THSD7A: variants seen among roughly 807,000 people sequenced by gnomAD.
THSD7A encodes the protein thrombospondin type-1 domain-containing protein 7A.
A neutral mutation model predicts 231.3 loss-of-function variants in THSD7A; 96 were observed. The ratio of observed to expected loss-of-function variants is 0.41; its 90% CI spans 0.35 to 0.49. The LOEUF (loss-of-function observed/expected upper bound fraction) is 0.49, where lower values mean the gene tolerates loss of function less well. Ranked by LOEUF, THSD7A falls within the 20% of genes least tolerant of loss-of-function variation. THSD7A has a pLI of 0.05. For synonymous variants in THSD7A, 940 were observed against 743.3 expected, an observed-to-expected ratio of 1.26 and a Z score of -4.30; for missense variants, 2,290 against 2,070.2, an observed-to-expected ratio of 1.11 and a Z score of -2.06.
rs1786097170 is a variant in THSD7A at position 11,474,968 on chromosome 7, T to C, written c.2018-400A>G. On this transcript the variant is annotated intron_variant, in intron 7 of 27. Transcript: ENST00000423059. The surrounding 1 kb of genome is among the most constrained non-coding windows in gnomAD (Gnocchi z 4.1). ...GAGAAAAATTTTGAAGGAGTAGGAT[T>C]TCAATAAGCAGAATTCTGGGAAGGG... Among the ~76,000 whole-genome samples the C allele has an allele frequency of 6.6e-6, 1 of 152,056 alleles. No homozygotes were observed. Among genetic ancestry groups the C allele is most frequent in the Non-Finnish European group, 1.5e-5 (1 of 67,996 alleles).
intron 6 of THSD7A, among the ~76,000 whole-genome samples, chr7:11,502,323 A>G (rs955542038): frequency 1.4e-4 from 22 of 152,168 alleles, no homozygotes; most frequent in African/African-American, 5.3e-4. Context: ...AACATGGCAG[A>G]GACACAACAA....
At chr7:11,762,799 T>G (rs540757087) in intron 1 of THSD7A, among the ~76,000 whole-genome samples, 1 of 151,362 alleles carries the variant, frequency 6.6e-6, no homozygotes, top group South Asian at 2.1e-4. Context: ...ATGAAAAAAA[T>G]TATAGATGAC....
chr7:11,620,558 G>T (rs2128353058), intron 2 of THSD7A, among the ~76,000 whole-genome samples: 1 of 152,268 alleles, frequency 6.6e-6, no homozygotes, highest in South Asian at 2.1e-4. Flanking sequence ...TCTGGATATT[G>T]AATGACAACA....
chr7:11,580,647 C>T (rs1791116161), intron 4 of THSD7A, among the ~76,000 whole-genome samples: 2 of 152,130 alleles, frequency 1.3e-5, no homozygotes, highest in South Asian at 4.1e-4. Context: ...AAACCAAATA[C>T]TGCATGTTCT....
At chr7:11,611,662 A>G (rs973557764) in intron 2 of THSD7A, among the ~76,000 whole-genome samples, 131 of 151,976 alleles carry the variant, frequency 8.6e-4, no homozygotes, top group Non-Finnish European at 2.1e-4. Context: ...AAATTTAATA[A>G]TATTATAATT....
intron 1 of THSD7A, among the ~76,000 whole-genome samples, chr7:11,705,041 A>G (rs1780720030): frequency 6.6e-6 from 1 of 151,196 alleles, no homozygotes; most frequent in Middle Eastern, 3.4e-3. Context: ...ATATACTCCA[A>G]ATACTATCAC....
intron 2 of THSD7A, among the ~76,000 whole-genome samples, chr7:11,633,506 G>A (rs552194079): frequency 6.6e-6 from 1 of 152,252 alleles, no homozygotes; most frequent in African/African-American, 2.4e-5. Context: ...CTAAGGAAGT[G>A]TCATTGGCTT....
At chr7:11,469,719 G>A (rs184407167) in intron 9 of THSD7A, among the ~76,000 whole-genome samples, 160 bp downstream of exon 9, 28 of 152,266 alleles carry the variant, frequency 1.8e-4, no homozygotes, top group Admixed American at 1.8e-3. Flanking sequence ...CTAAAGCTAT[G>A]TTATTTCCTA....
chr7:11,445,880 A>G (rs1366386138), intron 13 of THSD7A, among the ~76,000 whole-genome samples, 181 bp downstream of exon 13: 1 of 152,054 alleles, frequency 6.6e-6, no homozygotes, highest in Admixed American at 6.6e-5. Flanking sequence ...ACTTCTGGAC[A>G]ATGAGGCAAT....
intron 23 of THSD7A, among the ~76,000 whole-genome samples, chr7:11,389,333 C>G (rs1354943119): frequency 1.3e-5 from 2 of 149,734 alleles, no homozygotes; most frequent in African/African-American, 2.5e-5. Context: ...ACATTGATCC[C>G]TTTACCATAT....
intron 4 of THSD7A, among the ~76,000 whole-genome samples, chr7:11,571,999 G>T (rs1456408423): frequency 1.3e-5 from 2 of 151,620 alleles, no homozygotes; most frequent in Admixed American, 6.6e-5. Flanking sequence ...TATGTTTTCT[G>T]TCAGATCATT....
intron 1 of THSD7A, among the ~76,000 whole-genome samples, chr7:11,669,041 C>T (rs994579689): frequency 7.9e-5 from 12 of 152,074 alleles, no homozygotes; most frequent in African/African-American, 2.7e-4. Flanking sequence ...TTTCTCAGTT[C>T]AAACTATTTA....
At chr7:11,391,431 T>C (rs1468342481) in intron 23 of THSD7A, among the ~76,000 whole-genome samples, 2 of 152,204 alleles carry the variant, frequency 1.3e-5, no homozygotes, top group African/African-American at 4.8e-5. Context: ...GCCTCAGTAA[T>C]GGCAGACGCC....
At chr7:11,735,836 G>A (rs1045115309) in intron 1 of THSD7A, among the ~76,000 whole-genome samples, 14 of 151,954 alleles carry the variant, frequency 9.2e-5, no homozygotes, top group African/African-American at 3.4e-4. Flanking sequence ...AATATAAATT[G>A]ACATACTTAG....
At chr7:11,678,429 A>G (rs1242228918) in intron 1 of THSD7A, among the ~76,000 whole-genome samples, 3 of 152,150 alleles carry the variant, frequency 2.0e-5, no homozygotes, top group Non-Finnish European at 4.4e-5. Context: ...GAAAAGATTA[A>G]CAAAATAGAT....
chr7:11,652,726 C>T (rs1782552353), intron 1 of THSD7A, among the ~76,000 whole-genome samples: 1 of 151,854 alleles, frequency 6.6e-6, no homozygotes, highest in South Asian at 2.1e-4. Context: ...TTCCAAAATG[C>T]ATCATCTGAG....
chr7:11,493,036 C>T (rs928630636), intron 6 of THSD7A, among the ~76,000 whole-genome samples: 6 of 152,084 alleles, frequency 3.9e-5, no homozygotes, highest in African/African-American at 1.2e-4. Context: ...ATTAGGAACT[C>T]CCAGCCCATT....
At chr7:11,698,661 T>C (rs1290932806) in intron 1 of THSD7A, among the ~76,000 whole-genome samples, 1 of 151,382 alleles carries the variant, frequency 6.6e-6, no homozygotes, top group Non-Finnish European at 1.5e-5. Context: ...CCTTTATTCC[T>C]CAAAGTATCA....
chr7:11,510,512 G>GA (rs1390201688), intron 6 of THSD7A, among the ~76,000 whole-genome samples: 3 of 152,074 alleles, frequency 2.0e-5, no homozygotes, highest in Non-Finnish European at 4.4e-5. Flanking sequence ...GAACATCGAT[G>GA]AAAAAATCCT....
Sources: gnomAD v4.1 joint callset for allele counts (sites outside exome capture counted in the v4.1 genomes callset) on GRCh38, gnomAD v4.1.1 for gene constraint, Gnocchi (gnomAD v3.1) non-coding constraint, MANE v1.5 for transcripts, NCBI Gene and HGNC (gene_info 2026-07-23, HGNC 2026-07-21) for gene names.